The following EPHA6 variants were observed in gnomAD, a reference collection of about 807,000 sequenced individuals.
The protein encoded by EPHA6 is EPH receptor A6, also known as ephrin type-A receptor 6.
A neutral mutation model predicts 112.0 loss-of-function variants in EPHA6; 50 were observed. The observed-to-expected ratio is 0.45, with a 90% confidence interval of 0.36 to 0.56. EPHA6 has a LOEUF of 0.56. Ranked by LOEUF, EPHA6 falls within the 20% of genes least tolerant of loss-of-function variation. The probability of loss-of-function intolerance (pLI) is 0.00; values close to 1 mark genes in which losing one functional copy is unlikely to be tolerated. For synonymous variants in EPHA6, 529 were observed against 490.7 expected (o/e 1.08, Z -1.03); for missense variants, 1,280 against 1,417.4 (o/e 0.90, Z 1.56).
chr3:97,342,189 T>C (rs1009383650), intron 5 of EPHA6, among the ~76,000 whole-genome samples: 2 of 152,202 alleles, frequency 1.3e-5, no homozygotes, highest in African/African-American at 4.8e-5. Flanking sequence ...CTGGAACTCA[T>C]AGCAAATATG....
intron 2 of EPHA6, among the ~76,000 whole-genome samples, chr3:96,970,786 C>G (rs1006519228): frequency 1.1e-4 from 16 of 152,036 alleles, no homozygotes; most frequent in African/African-American, 3.6e-4. Context: ...TTTTCACATA[C>G]TTTTGGTGTT....
rs200070318 is a variant in EPHA6, at chr3:97,012,607, G to GTATA, written c.1114+24626_1114+24629dup. Among the ~76,000 whole-genome samples the GTATA allele has an allele frequency of 9.9e-3, 1,306 of 132,042 alleles. 21 individuals are homozygous for GTATA. The highest frequency in any genetic ancestry group is 0.037 in the African/African-American group (1,191 of 31,930). 86.6% of individuals were successfully genotyped at this position (132,042 alleles called of 152,430 possible). On this transcript the variant is annotated intron_variant, in intron 3 of 17. Coordinates refer to ENST00000389672, the MANE Select transcript of EPHA6 (RefSeq NM_001080448.3). Reference sequence around the variant, plus strand: ...TATATGTGTGTGTGTGTGTGTGTGTGTATATATATATATATGTATTTTTTT... The same window carrying GTATA: ...TATATGTGTGTGTGTGTGTGTGTGTGTATATATATATATATATATGTATTTTTTT...
intron 5 of EPHA6, among the ~76,000 whole-genome samples, chr3:97,327,403 A>G (rs2082486977): frequency 6.6e-6 from 1 of 152,014 alleles, no homozygotes; most frequent in African/African-American, 2.4e-5. Context: ...GTAGTGAAAT[A>G]TCACAACCAG....
chr3:97,296,869 A>G (rs1339613845), intron 5 of EPHA6, among the ~76,000 whole-genome samples: 2 of 152,160 alleles, frequency 1.3e-5, no homozygotes, highest in Admixed American at 6.5e-5. Flanking sequence ...ACTGGGTCCA[A>G]GCAGCATCAT....
chr3:97,696,851 C>T (rs953638916), intron 14 of EPHA6, among the ~76,000 whole-genome samples: 1 of 152,052 alleles, frequency 6.6e-6, no homozygotes, highest in Admixed American at 6.6e-5. Context: ...GTGACAAGAC[C>T]CACTGTTGGG....
Position 97,595,618 on chromosome 3 carries a change from C to A in EPHA6, c.2512+2881C>A, listed in dbSNP as rs530226257. Reference sequence around the variant, plus strand: ...CGAGATGGTGCCACTGCACTCCAGCCTGGGCAATAAAAGCGAAACTTCATC... The same window carrying A: ...CGAGATGGTGCCACTGCACTCCAGCATGGGCAATAAAAGCGAAACTTCATC... On this transcript the variant is annotated intron_variant, in intron 12 of 17. Coordinates refer to ENST00000389672, the MANE Select transcript of EPHA6 (RefSeq NM_001080448.3). Among the ~76,000 whole-genome samples, 7 of 151,474 alleles carry A rather than the reference C, an allele frequency of 4.6e-5. No individual in the cohort carries two copies. The East Asian group carries it at 1.2e-3, about 26-fold the overall frequency.
At chr3:97,492,714 T>C (rs1258778687) in intron 10 of EPHA6, among the ~76,000 whole-genome samples, 1 of 150,756 alleles carries the variant, frequency 6.6e-6, no homozygotes, top group Admixed American at 6.6e-5. Context: ...TGCAAATAAA[T>C]TGTTGTTCAA....
At chr3:97,678,903 C>A (rs747015701) in intron 14 of EPHA6, among the ~76,000 whole-genome samples, 27 of 152,076 alleles carry the variant, frequency 1.8e-4, no homozygotes, top group Non-Finnish European at 3.2e-4. Flanking sequence ...ATAATTAAGT[C>A]AGTGTGTACC....
intron 5 of EPHA6, among the ~76,000 whole-genome samples, chr3:97,372,485 ATGG>A (rs1426783640): frequency 1.3e-5 from 2 of 152,170 alleles, no homozygotes; most frequent in African/African-American, 4.8e-5. Context: ...GTGGACAGAA[ATGG>A]TCAAGGCAGT....
chr3:97,418,132 T>C (rs960817941), intron 6 of EPHA6, among the ~76,000 whole-genome samples: 4 of 151,464 alleles, frequency 2.6e-5, no homozygotes, highest in African/African-American at 7.3e-5. Context: ...ATTAAACTTA[T>C]AAAATTAAAT....
chr3:96,936,703 C>T (rs1313386548), intron 2 of EPHA6, among the ~76,000 whole-genome samples: 1 of 151,994 alleles, frequency 6.6e-6, no homozygotes, highest in East Asian at 1.9e-4. Context: ...TGGTGTGCTG[C>T]ACCCATTAAC....
intron 3 of EPHA6, among the ~76,000 whole-genome samples, chr3:97,218,874 A>G (rs148103138): frequency 7.4e-4 from 113 of 152,266 alleles, no homozygotes; most frequent in African/African-American, 2.5e-3. Context: ...AAGCAAGTGA[A>G]TTAGTTTCTA....
intron 3 of EPHA6, among the ~76,000 whole-genome samples, chr3:97,124,413 A>G (rs2048124368): frequency 6.6e-6 from 1 of 151,854 alleles, no homozygotes; most frequent in Non-Finnish European, 1.5e-5. Context: ...AATTTTGGCC[A>G]TCACAGGCAT....
Position 97,141,086 on chromosome 3 carries a change from A to G in EPHA6, c.1115-85178A>G, listed in dbSNP as rs574970544. Among the ~76,000 whole-genome samples the G allele has an allele frequency of 2.6e-5, 4 of 152,268 alleles. No individual in the cohort carries two copies. In the South Asian group the frequency reaches 8.3e-4, roughly 32 times the overall value. ...CAACAGTAAAAAAGAAAAGACAAAG[A>G]GAATGATGGTTATTAAATAATGACA... On this transcript the variant is annotated intron_variant, in intron 3 of 17. Transcript: ENST00000389672.
intron 2 of EPHA6, among the ~76,000 whole-genome samples, chr3:96,891,503 G>A (rs1403603116): frequency 6.6e-6 from 1 of 152,132 alleles, no homozygotes; most frequent in Non-Finnish European, 1.5e-5. Flanking sequence ...TTGAGGTCAG[G>A]AGTTCGAGAC....
At chr3:97,131,833 T>C (rs575335017) in intron 3 of EPHA6, among the ~76,000 whole-genome samples, 7 of 152,272 alleles carry the variant, frequency 4.6e-5, no homozygotes, top group African/African-American at 1.4e-4. Flanking sequence ...GTCTATACGT[T>C]ATTATACAGG....
intron 1 of EPHA6, among the ~76,000 whole-genome samples, chr3:96,823,595 G>A (rs976970438): frequency 2.6e-5 from 4 of 151,804 alleles, no homozygotes; most frequent in African/African-American, 9.7e-5. Context: ...GCCATGAAGT[G>A]TGATAAGAAA....
chr3:97,229,432 G>A (rs934135026), intron 4 of EPHA6, among the ~76,000 whole-genome samples: 2 of 151,996 alleles, frequency 1.3e-5, no homozygotes, highest in Non-Finnish European at 2.9e-5. Context: ...ATTCTTCTAC[G>A]TGTGGCTTGC....
intron 10 of EPHA6, among the ~76,000 whole-genome samples, chr3:97,522,762 C>A (rs1317762366): frequency 6.6e-6 from 1 of 151,842 alleles, no homozygotes; most frequent in Non-Finnish European, 1.5e-5. Context: ...TTAACTTTGT[C>A]CTCGTAGATT....
Sources: allele counts gnomAD v4.1 joint callset (sites outside exome capture counted in the v4.1 genomes callset), GRCh38; gene constraint gnomAD v4.1.1; transcripts MANE v1.5; gene names NCBI Gene and HGNC (gene_info 2026-07-23, HGNC 2026-07-21).